The following TFPI variants were observed in gnomAD, a reference collection of about 807,000 sequenced individuals.
The protein encoded by TFPI is tissue factor pathway inhibitor.
In TFPI, 15 loss-of-function variants were observed where a neutral mutation model predicts 34.6. The ratio of observed to expected loss-of-function variants is 0.43; its 90% CI spans 0.29 to 0.67. TFPI has a LOEUF of 0.67. Ranked by LOEUF, TFPI falls within the 30% of genes least tolerant of loss-of-function variation. The pLI, the probability that TFPI is intolerant of heterozygous loss-of-function variation, is 0.15. For synonymous variants in TFPI, 105 were observed against 120.1 expected, an observed-to-expected ratio of 0.87 and a Z score of 0.82; for missense variants, 301 against 364.0, an observed-to-expected ratio of 0.83 and a Z score of 1.41.
At chr2:187,538,359 G>A (rs1688381314) in intron 1 of TFPI, among the ~76,000 whole-genome samples, 1 of 152,162 alleles carries the variant, frequency 6.6e-6, no homozygotes, top group South Asian at 2.1e-4. Flanking sequence ...TGATAGACTG[G>A]ATAAAGAAAA....
chr2:187,521,600 A>G (rs559718027), intron 1 of TFPI, among the ~76,000 whole-genome samples: 1 of 151,884 alleles, frequency 6.6e-6, no homozygotes, highest in Non-Finnish European at 1.5e-5. Flanking sequence ...ACAGAGTCTC[A>G]CTCTGTCACC....
At chr2:187,480,612 C>A (rs1692782059) in intron 6 of TFPI, among the ~76,000 whole-genome samples, 1 of 152,036 alleles carries the variant, frequency 6.6e-6, no homozygotes, top group African/African-American at 2.4e-5. Flanking sequence ...TGATGGCTTT[C>A]AGTTCTAGCG....
intron 1 of TFPI, chr2:187,547,715 G>A (rs1688941947): frequency 1.3e-5 from 2 of 152,110 alleles, no homozygotes; most frequent in Admixed American, 1.3e-4. Context: ...CAGGTAATTG[G>A]TGCCACTTTA....
chr2:187,480,217 T>A (rs1167496273), intron 6 of TFPI, among the ~76,000 whole-genome samples: 1 of 152,090 alleles, frequency 6.6e-6, no homozygotes, highest in Non-Finnish European at 1.5e-5. Context: ...GTCTGAAATA[T>A]AAATTTCTTC....
Position 187,484,878 on chromosome 2 carries a change from A to G in TFPI, c.468T>C (p.Gly156=). 6.3e-7 allele frequency: 1 copy of G among 1,596,394 alleles called. No individual in the cohort carries two copies. The highest frequency in any genetic ancestry group is 8.5e-7 in the Non-Finnish European group (1 of 1,173,474). Reference sequence around the variant, plus strand: ...AATTGTTCATATTGCCCAGGCATCCACCATACTTGAAACGTTCACACTGTT... The same window carrying G: ...AATTGTTCATATTGCCCAGGCATCCGCCATACTTGAAACGTTCACACTGTT... ...QTKQCERFKY[G]GCLGNMNNFE... is the part of the protein sequence containing the mutation. The change falls in exon 5 of 8, where the codon GGT becomes GGC. Residue 156 remains glycine (G), a synonymous_variant. Coordinates refer to ENST00000233156, the MANE Select transcript of TFPI (RefSeq NM_006287.6).
chr2:187,493,257 T>A (rs1685241690), intron 3 of TFPI, among the ~76,000 whole-genome samples: 1 of 152,174 alleles, frequency 6.6e-6, no homozygotes, highest in Admixed American at 6.5e-5. Flanking sequence ...GGCTCGAGGC[T>A]TGCACCCTCT....
chr2:187,485,169 G>T (rs1287427564), intron 4 of TFPI, among the ~76,000 whole-genome samples, 182 bp from the exon 5 acceptor site: 1 of 151,650 alleles, frequency 6.6e-6, no homozygotes, highest in Non-Finnish European at 1.5e-5. Context: ...TTTGGGATTG[G>T]CATTTCAAAT....
chr2:187,485,109 A>C, intron 4 of TFPI, 122 bp from the exon 5 acceptor site: 1 of 728,656 alleles, frequency 1.4e-6, no homozygotes, highest in Non-Finnish European at 2.0e-6. Flanking sequence ...TTAAAAAGTA[A>C]AAATCTAACT....
chr2:187,503,586 T>A (rs1685997739), intron 2 of TFPI, 62 bp downstream of exon 2: 1 of 1,563,684 alleles, frequency 6.4e-7, no homozygotes, highest in African/African-American at 1.4e-5. Flanking sequence ...TATGGTAGAT[T>A]TTTTAGATTA....
chr2:187,482,990 G>C (rs956941321), intron 6 of TFPI, among the ~76,000 whole-genome samples: 2 of 151,892 alleles, frequency 1.3e-5, no homozygotes, highest in African/African-American at 2.4e-5. Flanking sequence ...TGATTTCCAA[G>C]GTGTGACATT....
At chr2:187,488,881 A>G (rs1420420488) in intron 3 of TFPI, among the ~76,000 whole-genome samples, 1 of 151,564 alleles carries the variant, frequency 6.6e-6, no homozygotes. Context: ...AATGAAACAA[A>G]AGGCATCTGG....
Position 187,487,922 on chromosome 2 carries a change from GAAAT to G in TFPI, c.358+411_358+414del, listed in dbSNP as rs1693403561. ...GATTAACAAGTGATTAGAGATCAGAGAAATAAAGTTAAGACTCAAAATATCTAAA... is the reference window on the plus strand; with the variant it reads ...GATTAACAAGTGATTAGAGATCAGAGAAAGTTAAGACTCAAAATATCTAAA... On this transcript the variant is annotated intron_variant, in intron 4 of 7. Transcript: ENST00000233156. Among the ~76,000 whole-genome samples, 3 of 151,328 alleles carry G rather than the reference GAAAT, an allele frequency of 2.0e-5. No individual in the cohort carries two copies. In the South Asian group the frequency reaches 6.2e-4, roughly 31 times the overall value.
chr2:187,472,647 A>G (rs536542190), intron 6 of TFPI, among the ~76,000 whole-genome samples: 4 of 152,266 alleles, frequency 2.6e-5, no homozygotes, highest in East Asian at 1.9e-4. Context: ...GTTATATGAA[A>G]TATCATTTAT....
chr2:187,530,446 G>A (rs1037003502), intron 1 of TFPI, among the ~76,000 whole-genome samples: 8 of 152,166 alleles, frequency 5.3e-5, no homozygotes, highest in African/African-American at 1.9e-4. Flanking sequence ...AAGTTGGAAA[G>A]ACATTCCCAA....
At chr2:187,500,174 G>T (rs150964920) in intron 2 of TFPI, among the ~76,000 whole-genome samples, 43 of 152,206 alleles carry the variant, frequency 2.8e-4, no homozygotes, top group African/African-American at 1.0e-3. Flanking sequence ...TGATAAACTC[G>T]CTGTAGTAGT....
At chr2:187,506,199 GA>G (rs1559127873) in intron 1 of TFPI, among the ~76,000 whole-genome samples, 94 of 151,840 alleles carry the variant, frequency 6.2e-4, no homozygotes, top group African/African-American at 2.0e-3. Context: ...AGAAAACAGA[GA>G]TTTATAAAAC....
Position 187,479,945 on chromosome 2 carries a change from A to G in TFPI, c.628+4179T>C, listed in dbSNP as rs112317420. On this transcript the variant is annotated intron_variant, in intron 6 of 7. Coordinates refer to ENST00000233156, the MANE Select transcript of TFPI (RefSeq NM_006287.6). ...GGAATAACCAGAAAAACAGTAGAAGAACTCAAAAAGTTCGGAAAGTTGGAA... is the reference window on the plus strand; with the variant it reads ...GGAATAACCAGAAAAACAGTAGAAGGACTCAAAAAGTTCGGAAAGTTGGAA... Among the ~76,000 whole-genome samples the G allele has an allele frequency of 3.0e-3, 464 of 152,134 alleles. 3 individuals carry two copies. The highest frequency in any genetic ancestry group is 0.011 in the African/African-American group (437 of 41,558).
At chr2:187,544,410 A>C (rs184874151) in intron 1 of TFPI, 1 of 152,328 alleles carries the variant, frequency 6.6e-6, no homozygotes, top group African/African-American at 2.4e-5. Context: ...AAAATATGGG[A>C]AACAATGAAG....
intron 1 of TFPI, among the ~76,000 whole-genome samples, chr2:187,513,121 A>T (rs966143307): frequency 1.3e-5 from 2 of 152,206 alleles, no homozygotes; most frequent in Non-Finnish European, 2.9e-5. Context: ...GGTTAAAAAA[A>T]AGTTTTCTTT....
Sources: gnomAD v4.1 joint callset for allele counts (sites outside exome capture counted in the v4.1 genomes callset) on GRCh38, gnomAD v4.1.1 for gene constraint, MANE v1.5 for transcripts, NCBI Gene and HGNC (gene_info 2026-07-23, HGNC 2026-07-21) for gene names.